Variants in MAML3 observed in about 807,000 individuals in gnomAD.
MAML3 encodes mastermind like transcriptional coactivator 3.
In MAML3, 27 loss-of-function variants were observed where a neutral mutation model predicts 101.9. The ratio of observed to expected loss-of-function variants is 0.27; its 90% confidence interval spans 0.20 to 0.37. The LOEUF is 0.37. Ranked by LOEUF, MAML3 falls within the 10% of genes least tolerant of loss-of-function variation. The pLI, the probability that MAML3 is intolerant of heterozygous loss-of-function variation, is 1.00. For missense variants in MAML3, 1,316 were observed against 1,444.9 expected (o/e 0.91, Z 1.45); for synonymous variants, 501 against 555.9 (o/e 0.90, Z 1.39).
chr4:139,877,861 G>A (rs1489855361), intron 2 of MAML3, among the ~76,000 whole-genome samples: 1 of 152,080 alleles, frequency 6.6e-6, no homozygotes, highest in Admixed American at 6.5e-5. Flanking sequence ...GTATACATGT[G>A]ATCATCTTTC....
intron 2 of MAML3, among the ~76,000 whole-genome samples, chr4:139,811,878 T>C (rs1014823456): frequency 2.0e-5 from 3 of 152,208 alleles, no homozygotes; most frequent in African/African-American, 7.2e-5. Flanking sequence ...TGGATGAATG[T>C]GTGGTAACTA....
intron 1 of MAML3, among the ~76,000 whole-genome samples, chr4:140,070,070 C>T (rs900814466): frequency 2.0e-5 from 3 of 152,010 alleles, no homozygotes; most frequent in African/African-American, 7.3e-5. Context: ...GAGCCAAGAT[C>T]ACACCACTGC....
chr4:140,125,758 A>T (rs1728672906), intron 1 of MAML3, among the ~76,000 whole-genome samples: 1 of 152,044 alleles, frequency 6.6e-6, no homozygotes, highest in Non-Finnish European at 1.5e-5. Context: ...GTGCCCAGCC[A>T]TAAGGTACAG....
chr4:140,000,742 C>T (rs1223018206), intron 1 of MAML3, among the ~76,000 whole-genome samples: 5 of 152,090 alleles, frequency 3.3e-5, no homozygotes, highest in Non-Finnish European at 7.4e-5. Flanking sequence ...TAAGATTTGG[C>T]CTTGGCTGGG....
Position 140,110,574 on chromosome 4 carries a change from C to T in MAML3, c.468+42286G>A, listed in dbSNP as rs192074765. On this transcript the variant is annotated intron_variant, in intron 1 of 4. Transcript: ENST00000509479. Reference sequence around the variant, plus strand: ...GTATTAAAAAGTGAACTTTGACCAGCAAACACTTTCTGTGGAAAAAAGCCT... The same window carrying T: ...GTATTAAAAAGTGAACTTTGACCAGTAAACACTTTCTGTGGAAAAAAGCCT... Among the ~76,000 whole-genome samples, 6 of 152,272 alleles carry T rather than the reference C, an allele frequency of 3.9e-5. No homozygotes were observed. The East Asian group carries it at 1.2e-3, about 29-fold the overall frequency.
chr4:140,031,551 A>G (rs1726908552), intron 1 of MAML3, among the ~76,000 whole-genome samples: 1 of 152,210 alleles, frequency 6.6e-6, no homozygotes, highest in South Asian at 2.1e-4. Flanking sequence ...TTGCTATATT[A>G]AATTTTGATT....
At chr4:140,125,998 G>T (rs1022460399) in intron 1 of MAML3, among the ~76,000 whole-genome samples, 1 of 151,566 alleles carries the variant, frequency 6.6e-6, no homozygotes, top group Non-Finnish European at 1.5e-5. Context: ...GGCTGGTCTC[G>T]AACTCCTGAC....
At chr4:140,103,374 T>C (rs1007125228) in intron 1 of MAML3, among the ~76,000 whole-genome samples, 1 of 152,226 alleles carries the variant, frequency 6.6e-6, no homozygotes, top group Non-Finnish European at 1.5e-5. Context: ...TTCAACTATA[T>C]TGGATTTTCC....
chr4:139,927,231 T>C (rs1219596999), intron 1 of MAML3, among the ~76,000 whole-genome samples: 1 of 152,160 alleles, frequency 6.6e-6, no homozygotes, highest in Admixed American at 6.5e-5. Flanking sequence ...GCTTGTTTAA[T>C]GGACTGGAAT....
At chr4:139,808,932 T>C (rs1035453305) in intron 2 of MAML3, among the ~76,000 whole-genome samples, 1 of 151,898 alleles carries the variant, frequency 6.6e-6, no homozygotes, top group Non-Finnish European at 1.5e-5. Context: ...CAGGGTGTGT[T>C]TGTGAGTGTG....
chr4:139,843,740 A>G (rs1260932989), intron 2 of MAML3, among the ~76,000 whole-genome samples: 1 of 152,144 alleles, frequency 6.6e-6, no homozygotes, highest in Non-Finnish European at 1.5e-5. Context: ...TAATAACCAA[A>G]TTATTACTGT....
At chr4:140,015,074 T>C (rs932458316) in intron 1 of MAML3, among the ~76,000 whole-genome samples, 2 of 152,200 alleles carry the variant, frequency 1.3e-5, no homozygotes, top group African/African-American at 2.4e-5. Context: ...AAATAAAGAT[T>C]AGTTTGAATT....
At chr4:139,954,237 CCTGTGAAAATGG>C (rs1733880022) in intron 1 of MAML3, among the ~76,000 whole-genome samples, 1 of 152,158 alleles carries the variant, frequency 6.6e-6, no homozygotes, top group South Asian at 2.1e-4. Flanking sequence ...CTAGGTGATG[CCTGTGAAAATGG>C]CTGAACCCCC....
intron 1 of MAML3, among the ~76,000 whole-genome samples, chr4:139,993,890 C>T (rs1245802464): frequency 6.6e-6 from 1 of 152,082 alleles, no homozygotes; most frequent in Non-Finnish European, 1.5e-5. Flanking sequence ...GTACAGATTA[C>T]ACTTTTGGTG....
intron 1 of MAML3, among the ~76,000 whole-genome samples, chr4:139,992,532 TTTTG>T (rs1335219853): frequency 2.0e-5 from 3 of 152,110 alleles, no homozygotes; most frequent in African/African-American, 7.2e-5. Flanking sequence ...TCTTTTTTTG[TTTTG>T]TTTTTGTTTT....
intron 1 of MAML3, among the ~76,000 whole-genome samples, chr4:140,055,255 C>T (rs1401576054): frequency 6.6e-6 from 1 of 152,116 alleles, no homozygotes; most frequent in Non-Finnish European, 1.5e-5. Context: ...AAACCTACTT[C>T]TTTGTCATTT....
chr4:139,754,235 A>G, intron 2 of MAML3, among the ~76,000 whole-genome samples: 1 of 152,242 alleles, frequency 6.6e-6, no homozygotes, highest in Non-Finnish European at 1.5e-5. Flanking sequence ...AATGTAAAAA[A>G]TCACTAATTT....
At chr4:139,937,635 G>A (rs944483285) in intron 1 of MAML3, among the ~76,000 whole-genome samples, 1 of 152,036 alleles carries the variant, frequency 6.6e-6, no homozygotes. Context: ...TGATCTGCCC[G>A]CCTCAGCCTC....
At chr4:139,755,458 A>G (rs1729626962) in intron 2 of MAML3, among the ~76,000 whole-genome samples, 1 of 152,128 alleles carries the variant, frequency 6.6e-6, no homozygotes, top group Admixed American at 6.5e-5. Context: ...TGTACAAAAA[A>G]TTAGCCGGGT....
Sources: gnomAD v4.1 joint callset for allele counts (sites outside exome capture counted in the v4.1 genomes callset) on GRCh38, gnomAD v4.1.1 for gene constraint, MANE v1.5 for transcripts, NCBI Gene and HGNC (gene_info 2026-07-23, HGNC 2026-07-21) for gene names.